OSBPL6: variants seen among roughly 807,000 people sequenced by gnomAD.
OSBPL6 encodes the protein oxysterol-binding protein-related protein 6.
A neutral mutation model predicts 125.8 loss-of-function variants in OSBPL6; 49 were observed. That is an observed-to-expected ratio of 0.39 (90% CI 0.31 to 0.49). The LOEUF (loss-of-function observed/expected upper bound fraction) is 0.49. Ranked by LOEUF, OSBPL6 falls within the 20% of genes least tolerant of loss-of-function variation. The probability of loss-of-function intolerance (pLI) is 0.88; values close to 1 mark genes in which losing one functional copy is unlikely to be tolerated. For missense variants in OSBPL6, 986 were observed against 1,135.4 expected (o/e 0.87, Z 1.89); for synonymous variants, 394 against 391.8 (o/e 1.01, Z -0.07).
At chr2:178,224,249 A>T (rs1255129245) in intron 1 of OSBPL6, among the ~76,000 whole-genome samples, 1 of 152,204 alleles carries the variant, frequency 6.6e-6, no homozygotes, top group Non-Finnish European at 1.5e-5. Flanking sequence ...CAAATGGTAG[A>T]CACTAAATAG....
chr2:178,337,475 C>G (rs986462190), intron 9 of OSBPL6, among the ~76,000 whole-genome samples: 1 of 152,198 alleles, frequency 6.6e-6, no homozygotes, highest in African/African-American at 2.4e-5. Context: ...ATGATTTCCT[C>G]TCTTTCTTAT....
intron 1 of OSBPL6, among the ~76,000 whole-genome samples, chr2:178,217,624 TG>T (rs2090145001): frequency 6.6e-6 from 1 of 151,946 alleles, no homozygotes; most frequent in Non-Finnish European, 1.5e-5. Context: ...TTTGAGGAGG[TG>T]GTGTCTGGTT....
chr2:178,235,480 C>T (rs1165926242), intron 1 of OSBPL6, among the ~76,000 whole-genome samples: 1 of 138,334 alleles, frequency 7.2e-6, no homozygotes, highest in Non-Finnish European at 1.5e-5. Flanking sequence ...AATCCTGGCT[C>T]ACTGCAACCT....
At chr2:178,289,344 C>G (rs1426494405) in intron 2 of OSBPL6, among the ~76,000 whole-genome samples, 1 of 152,112 alleles carries the variant, frequency 6.6e-6, no homozygotes, top group African/African-American at 2.4e-5. Context: ...TTTAAAAATA[C>G]ATTTCATTTG....
chr2:178,347,377 A>G (rs1690821528), intron 11 of OSBPL6, among the ~76,000 whole-genome samples: 1 of 152,076 alleles, frequency 6.6e-6, no homozygotes. Flanking sequence ...TCCTTATATC[A>G]GAAAACTGTA....
At chr2:178,246,351 T>G (rs2091490461) in intron 1 of OSBPL6, among the ~76,000 whole-genome samples, 4 of 152,264 alleles carry the variant, frequency 2.6e-5, no homozygotes, top group Admixed American at 2.6e-4. Context: ...CCTGAGCATC[T>G]CCTCCTGTGG....
chr2:178,314,435 G>A (rs531789166), intron 3 of OSBPL6, among the ~76,000 whole-genome samples: 1 of 152,196 alleles, frequency 6.6e-6, no homozygotes, highest in African/African-American at 2.4e-5. Context: ...AAAATCTGCA[G>A]TGTCCTCTCT....
chr2:178,275,288 G>A (rs919640855), intron 1 of OSBPL6, among the ~76,000 whole-genome samples: 1 of 152,134 alleles, frequency 6.6e-6, no homozygotes, highest in Non-Finnish European at 1.5e-5. Context: ...GAGGCGGGTG[G>A]ATCACTTGAA....
chr2:178,374,148 T>A, intron 15 of OSBPL6, 121 bp downstream of exon 15: 1 of 1,209,080 alleles, frequency 8.3e-7, no homozygotes, highest in Non-Finnish European at 1.2e-6. Flanking sequence ...TACATCATAG[T>A]AAAATGTCCA....
At chr2:178,202,475 C>T (rs1291503190) in intron 1 of OSBPL6, among the ~76,000 whole-genome samples, 2 of 152,260 alleles carry the variant, frequency 1.3e-5, no homozygotes, top group African/African-American at 4.8e-5. Context: ...AGTGAGAAAT[C>T]TATTATCCTT....
chr2:178,195,311 A>G (rs1257347586), intron 1 of OSBPL6, among the ~76,000 whole-genome samples: 2 of 152,208 alleles, frequency 1.3e-5, no homozygotes, highest in Non-Finnish European at 2.9e-5. Flanking sequence ...TCCCCCGGCC[A>G]GGGCCAAGTC....
At chr2:178,224,246 T>C (rs1468814341) in intron 1 of OSBPL6, among the ~76,000 whole-genome samples, 1 of 152,144 alleles carries the variant, frequency 6.6e-6, no homozygotes, top group Non-Finnish European at 1.5e-5. Flanking sequence ...AAGCAAATGG[T>C]AGACACTAAA....
chr2:178,374,366 A>G (rs1693675943), intron 15 of OSBPL6, among the ~76,000 whole-genome samples: 1 of 152,208 alleles, frequency 6.6e-6, no homozygotes, highest in African/African-American at 2.4e-5. Context: ...TAAATATAGA[A>G]AGAATGAGAG....
chr2:178,302,455 C>T (rs1238370524), intron 2 of OSBPL6, among the ~76,000 whole-genome samples: 1 of 152,006 alleles, frequency 6.6e-6, no homozygotes, highest in Non-Finnish European at 1.5e-5. Context: ...ATAACCTTCT[C>T]TCAGAGTTTA....
intron 2 of OSBPL6, among the ~76,000 whole-genome samples, chr2:178,295,987 C>T (rs1241456891): frequency 6.6e-6 from 1 of 152,072 alleles, no homozygotes; most frequent in Non-Finnish European, 1.5e-5. Flanking sequence ...CTTAGCAATT[C>T]CTTTATTTTT....
intron 1 of OSBPL6, among the ~76,000 whole-genome samples, chr2:178,234,324 A>G (rs924793400): frequency 2.0e-5 from 3 of 152,182 alleles, no homozygotes; most frequent in Non-Finnish European, 2.9e-5. Flanking sequence ...TGAGTTGCCA[A>G]CCTTTGCTGG....
At chr2:178,267,611 G>A (rs1251372252) in intron 1 of OSBPL6, among the ~76,000 whole-genome samples, 1 of 152,010 alleles carries the variant, frequency 6.6e-6, no homozygotes, top group East Asian at 1.9e-4. Context: ...AAAACCCAGA[G>A]AAAAAGAACA....
intron 3 of OSBPL6, among the ~76,000 whole-genome samples, chr2:178,306,693 G>A (rs1444533991): frequency 2.0e-5 from 3 of 152,188 alleles, no homozygotes; most frequent in African/African-American, 7.2e-5. Context: ...TTGGTATTTT[G>A]TGGAATCTGG....
intron 1 of OSBPL6, among the ~76,000 whole-genome samples, chr2:178,272,901 A>G (rs987251407): frequency 1.3e-5 from 2 of 152,202 alleles, no homozygotes; most frequent in African/African-American, 4.8e-5. Flanking sequence ...CCAGTCTTGA[A>G]AATAAAAGGC....
Sources: gnomAD v4.1 joint callset for allele counts (sites outside exome capture counted in the v4.1 genomes callset) on GRCh38, gnomAD v4.1.1 for gene constraint, MANE v1.5 for transcripts, NCBI Gene and HGNC (gene_info 2026-07-23, HGNC 2026-07-21) for gene names.